Variants in LIPK observed in about 807,000 individuals in gnomAD.
LIPK encodes the protein lipase member K.
A neutral mutation model predicts 48.6 loss-of-function variants in LIPK; 32 were observed. That is an observed-to-expected ratio of 0.66 (90% confidence interval 0.50 to 0.88). The LOEUF (loss-of-function observed/expected upper bound fraction) is 0.88. LIPK is among the 40% of genes least tolerant of loss of function. The probability of loss-of-function intolerance (pLI) is 0.00; values close to 1 mark genes in which losing one functional copy is unlikely to be tolerated. For synonymous variants in LIPK, 164 were observed against 157.4 expected (o/e 1.04, Z -0.32); for missense variants, 507 against 478.5 (o/e 1.06, Z -0.56).
intron 3 of LIPK, among the ~76,000 whole-genome samples, chr10:88,730,341 G>A (rs1300983249): frequency 6.6e-6 from 1 of 152,116 alleles, no homozygotes; most frequent in African/African-American, 2.4e-5. Flanking sequence ...CCAGGCTGGA[G>A]TGCAGTGTGG....
intron 1 of LIPK, among the ~76,000 whole-genome samples, chr10:88,720,063 G>A (rs1388977297): frequency 2.6e-5 from 4 of 152,148 alleles, no homozygotes; most frequent in Non-Finnish European, 5.9e-5. Flanking sequence ...GGGGTTGGGG[G>A]CAGGGAGCGG....
chr10:88,714,956 T>C (rs979523121), intron 1 of LIPK, among the ~76,000 whole-genome samples: 1 of 152,094 alleles, frequency 6.6e-6, no homozygotes, highest in Non-Finnish European at 1.5e-5. Context: ...ACTCAGATAA[T>C]TGATTATAAA....
chr10:88,725,785 T>C (rs908660811), intron 2 of LIPK, among the ~76,000 whole-genome samples: 5 of 152,144 alleles, frequency 3.3e-5, no homozygotes, highest in Admixed American at 2.6e-4. Context: ...TCTTTGTATA[T>C]CTGCAGGTGG....
chr10:88,708,554 T>G (rs1841975671), intron 1 of LIPK, among the ~76,000 whole-genome samples: 1 of 152,100 alleles, frequency 6.6e-6, no homozygotes, highest in East Asian at 1.9e-4. Context: ...ATTTTTAGGT[T>G]GGCATATAAA....
At chr10:88,746,910 AC>A (rs1842775795) in intron 9 of LIPK, among the ~76,000 whole-genome samples, 1 of 152,162 alleles carries the variant, frequency 6.6e-6, no homozygotes, top group Non-Finnish European at 1.5e-5. Context: ...TCAAATAAAT[AC>A]AGTCAGAAAT....
chr10:88,752,546 G>A lies in LIPK; in HGVS notation c.990G>A (p.Lys330=). The change falls in exon 10 of 10, where the codon AAG becomes AAA. Residue 330 remains lysine (K), a synonymous_variant. Coordinates refer to ENST00000404190, the MANE Select transcript of LIPK (RefSeq NM_001080518.2). ...CACCTCCTTTATACAACATTACTAA[G>A]ATGGAAGTTCCAACAGCAATATGGA... is the stretch of plus-strand genomic sequence containing the variant. ...QLTPPLYNIT[K]MEVPTAIWNG... The A allele has an allele frequency of 1.3e-6, 2 of 1,559,924 alleles. No individual in the cohort carries two copies. The highest frequency in any genetic ancestry group is 1.7e-6 in the Non-Finnish European group (2 of 1,148,170).
At chr10:88,707,567 T>C (rs1220886534) in intron 1 of LIPK, among the ~76,000 whole-genome samples, 1 of 152,170 alleles carries the variant, frequency 6.6e-6, no homozygotes, top group Non-Finnish European at 1.5e-5. Context: ...CCTTGGCATT[T>C]TATTTCCCAT....
chr10:88,713,758 T>C (rs1415621521), intron 1 of LIPK, among the ~76,000 whole-genome samples: 1 of 151,940 alleles, frequency 6.6e-6, no homozygotes, highest in Non-Finnish European at 1.5e-5. Flanking sequence ...CTGGCCAACA[T>C]GGTGAAACCC....
chr10:88,730,927 T>C, intron 3 of LIPK, 56 bp from the exon 4 acceptor site: 1 of 1,415,502 alleles, frequency 7.1e-7, no homozygotes, highest in South Asian at 1.4e-5. Flanking sequence ...ATGAGATTTT[T>C]CTTGTAGACA....
chr10:88,716,604 G>A (rs925335723), intron 1 of LIPK, among the ~76,000 whole-genome samples: 4 of 152,068 alleles, frequency 2.6e-5, no homozygotes, highest in Non-Finnish European at 5.9e-5. Flanking sequence ...TGATCCACAC[G>A]CCTCGGCCTC....
At position 88,724,645 on chromosome 10, in the gene LIPK, T is replaced by A; in HGVS notation, c.102T>A (p.Asn34Lys). ...ATGCAAACCCTGAAGCTAATATGAA[T>A]ATTGTAAGTCATTTATTCAGAAAAA... Reference protein sequence around the residue: ...GNNANPEANMNISQIISYWGY... With the variant: ...GNNANPEANMKISQIISYWGY... Residue 34 changes from asparagine (N) to lysine (K), a missense_variant, in exon 2 of 10, where the codon AAT becomes AAA. Coordinates refer to ENST00000404190, the MANE Select transcript of LIPK (RefSeq NM_001080518.2). The A allele has an allele frequency of 6.4e-7, 1 of 1,566,128 alleles. No homozygotes were observed. The highest frequency in any genetic ancestry group is 8.6e-7 in the Non-Finnish European group (1 of 1,160,510).
At chr10:88,730,928 C>A (rs991000461) in intron 3 of LIPK, 55 bp from the exon 4 acceptor site, 2 of 1,412,750 alleles carry the variant, frequency 1.4e-6, no homozygotes, top group Non-Finnish European at 1.9e-6. Context: ...TGAGATTTTT[C>A]TTGTAGACAC....
In LIPK at chr10:88,740,043, T is replaced by G. The variant is rs1842649918; in HGVS notation, c.864T>G (p.Val288=). ...YLSHNPAGTS[V]QNMLHWAQAV... ...CACACAATCCTGCGGGAACATCTGT[T>G]CAGAATATGCTGCACTGGGCTCAGG... The change falls in exon 8 of 10, where the codon GTT becomes GTG. Residue 288 remains valine (V), a synonymous_variant. Coordinates refer to ENST00000404190, the MANE Select transcript of LIPK (RefSeq NM_001080518.2). The G allele has an allele frequency of 6.2e-7, 1 of 1,612,884 alleles. No individual in the cohort carries two copies. Among genetic ancestry groups the G allele is most frequent in the East Asian group, 2.2e-5 (1 of 44,818 alleles).
rs145127353 is a variant in LIPK at position 88,713,828 on chromosome 10, C to T, written c.-12+7508C>T. On this transcript the variant is annotated intron_variant, in intron 1 of 9. Transcript: ENST00000404190. The stretch of plus-strand genomic sequence containing the variant: ...CAGTGGTGGGCACCTGTAATCCCAG[C>T]TACTTGCAGGGCAGAGGCAGGAGAA... Among the ~76,000 whole-genome samples the T allele has an allele frequency of 2.2e-3, 333 of 151,912 alleles. 8 individuals carry two copies. In the East Asian group the frequency reaches 0.056, roughly 26 times the overall value.
chr10:88,751,054 T>G (rs1248501025), intron 9 of LIPK, among the ~76,000 whole-genome samples: 1 of 152,234 alleles, frequency 6.6e-6, no homozygotes, highest in African/African-American at 2.4e-5. Flanking sequence ...TATGGATCAT[T>G]AAAGATATAA....
chr10:88,749,140 C>T (rs1358183139), intron 9 of LIPK, among the ~76,000 whole-genome samples: 2 of 152,146 alleles, frequency 1.3e-5, no homozygotes, highest in African/African-American at 4.8e-5. Context: ...AATGGAAAAA[C>T]ATTCCATGTT....
chr10:88,722,877 CTTTTCTT>C (rs1365076625), intron 1 of LIPK, among the ~76,000 whole-genome samples: 1 of 74,020 alleles, frequency 1.4e-5, no homozygotes, highest in Non-Finnish European at 2.3e-5. Context: ...TGTTTTTCTT[CTTTTCTT>C]TTTTCTTTTT....
At chr10:88,706,717 C>T (rs1003175589) in intron 1 of LIPK, among the ~76,000 whole-genome samples, 4 of 151,964 alleles carry the variant, frequency 2.6e-5, no homozygotes, top group African/African-American at 4.8e-5. Context: ...TTTAGGAAGC[C>T]CTTTATGTTC....
chr10:88,733,484 T>A (rs1010569858), intron 6 of LIPK, among the ~76,000 whole-genome samples: 1 of 152,206 alleles, frequency 6.6e-6, no homozygotes, highest in South Asian at 2.1e-4. Flanking sequence ...CTAAGCAAAT[T>A]AGCCTATGGT....
Sources: gnomAD v4.1 joint callset for allele counts (sites outside exome capture counted in the v4.1 genomes callset) on GRCh38, gnomAD v4.1.1 for gene constraint, MANE v1.5 for transcripts, NCBI Gene and HGNC (gene_info 2026-07-23, HGNC 2026-07-21) for gene names.